Variants in ARMC5 observed in about 807,000 individuals in gnomAD.
The protein encoded by ARMC5 is armadillo repeat containing 5, also known as armadillo repeat-containing protein 5.
In ARMC5, 28 loss-of-function variants were observed where a neutral mutation model predicts 60.5. The observed-to-expected ratio is 0.46, with a 90% CI of 0.34 to 0.63. The LOEUF is 0.63. Ranked by LOEUF, ARMC5 falls within the 30% of genes least tolerant of loss-of-function variation. The pLI is 0.01. For synonymous variants in ARMC5, 680 were observed against 607.3 expected, an observed-to-expected ratio of 1.12 and a Z score of -1.76; for missense variants, 1,189 against 1,304.9, an observed-to-expected ratio of 0.91 and a Z score of 1.37.
rs373906994 is a variant in ARMC5 at position 31,462,691 on chromosome 16, C to G, written c.1144C>G (p.Arg382Gly). The change falls in exon 3 of 6, where the codon CGT (arginine) becomes GGT (glycine). Residue 382 changes from arginine to glycine, a missense_variant. Physicochemically the swap from Arg to Gly is moderately radical, Grantham distance 125 (BLOSUM62 -2). Around this residue, in one of 2 missense-constraint regions of ARMC5, gnomAD observed 862 missense variants for 1,071.2 expected, o/e 0.80. Coordinates refer to ENST00000268314, the MANE Select transcript of ARMC5 (RefSeq NM_001105247.2). The surrounding 1 kb of genome is among the most constrained non-coding windows in gnomAD (Gnocchi z 7.2). ...DLLMGLLRDP[R>G]ASAWHPRIVA... is the part of the protein sequence containing the mutation. ...ACTGATGGGCCTGCTGCGGGACCCT[C>G]GTGCAAGCGCATGGCACCCTCGTAT... 4.3e-6 allele frequency: 7 copies of G among 1,613,766 alleles called. No homozygotes were observed. In the East Asian group the frequency reaches 1.1e-4, roughly 26 times the overall value.
rs747183399 is a variant in ARMC5 at position 31,459,694 on chromosome 16, G to T, written c.170G>T (p.Gly57Val). 3.2e-6 allele frequency: 5 copies of T among 1,569,294 alleles called. No individual in the cohort carries two copies. Among genetic ancestry groups the T allele is most frequent in the Non-Finnish European group, 2.6e-6 (3 of 1,168,260 alleles). ...ACGCGCCACATCAAGGCAGCGGGGG[G>T]AATCGAGCGCTTCCGGGCACGCGGC... Reference protein sequence around the residue: ...LRTRHIKAAGGIERFRARGGL... With the variant: ...LRTRHIKAAGVIERFRARGGL... Residue 57 changes from glycine (G) to valine (V), a missense_variant, in exon 1 of 6, where the codon GGA becomes GTA. This residue lies in a region of ARMC5 where 327 missense variants were observed against 233.7 expected (regional missense o/e 1.40). Coordinates refer to ENST00000268314, the MANE Select transcript of ARMC5 (RefSeq NM_001105247.2).
At chr16:31,460,615 C>T (rs565729342) in intron 1 of ARMC5, among the ~76,000 whole-genome samples, 1 of 152,284 alleles carries the variant, frequency 6.6e-6, no homozygotes, top group African/African-American at 2.4e-5. Context: ...CCTGTAGTTC[C>T]AGCTATTTGG....
Position 31,466,021 on chromosome 16 carries a change from A to C in ARMC5, c.1997+39A>C, listed in dbSNP as rs1283380712. On this transcript the variant is annotated intron_variant, in intron 5 of 5. Transcript: ENST00000268314. This position sits in a 1 kb window ranked among gnomAD's most constrained non-coding sequence, Gnocchi z 8.0. ...GGGTGCCTTGCGGGGTTGGGGGAGG[A>C]GTGCTGTGTTTCCCAGGCCCGTTGC... 2 of 1,594,382 alleles carry C rather than the reference A, an allele frequency of 1.3e-6. No individual in the cohort carries two copies. Among genetic ancestry groups the C allele is most frequent in the African/African-American group, 2.7e-5 (2 of 74,314 alleles).
intron 3 of ARMC5, 111 bp downstream of exon 3, chr16:31,463,028 TTA>T: frequency 8.6e-7 from 1 of 1,167,504 alleles, no homozygotes; most frequent in South Asian, 1.7e-5. Context: ...AATAAGACTT[TTA>T]TAACCCAGAC....
chr16:31,458,921 G>T, upstream of ARMC5: 1 of 1,535,654 alleles, frequency 6.5e-7, no homozygotes, highest in Non-Finnish European at 8.7e-7. Flanking sequence ...GTCCAGCTCC[G>T]GAAACGGAAA....
Position 31,462,140 on chromosome 16 carries a change from C to T in ARMC5, c.593C>T (p.Pro198Leu), listed in dbSNP as rs1481502666. The change falls in exon 3 of 6, where the codon CCC becomes CTC. Residue 198 changes from proline to leucine, a missense_variant. By Grantham distance (98) the Pro-to-Leu change is moderately conservative. This residue lies in a region of ARMC5 where 862 missense variants were observed against 1,071.2 expected (regional missense o/e 0.80). Transcript: ENST00000268314. This position sits in a 1 kb window ranked among gnomAD's most constrained non-coding sequence, Gnocchi z 7.2. ...CGDIHCAGAVPLLVESLTACQ... is the reference protein window; with the variant it reads ...CGDIHCAGAVLLLVESLTACQ... ...CCTTTCCTGCCCTCAGGTGCTGTTC[C>T]CCTGCTTGTGGAGAGCCTGACAGCC... 1.4e-5 allele frequency: 23 copies of T among 1,611,910 alleles called. No homozygotes were observed. The highest frequency in any genetic ancestry group is 2.0e-5 in the Non-Finnish European group (23 of 1,178,894).
chr16:31,459,748 G>A lies in ARMC5; in HGVS notation c.224G>A (p.Arg75Gln). Reference protein sequence around the residue: ...GGLRPLLALLRRAAAAGSAPS... With the variant: ...GGLRPLLALLQRAAAAGSAPS... The stretch of plus-strand genomic sequence containing the variant: ...CTCCGCCCCCTACTCGCGCTGCTAC[G>A]GCGAGCGGCTGCAGCGGGTTCCGCC... Residue 75 changes from arginine to glutamine, a missense_variant, in exon 1 of 6, where the codon CGG becomes CAG. Physicochemically the swap from Arg to Gln is conservative, Grantham distance 43. Transcript: ENST00000268314. The A allele has an allele frequency of 6.5e-7, 1 of 1,543,248 alleles. No individual in the cohort carries two copies.
rs778548538 is a variant in ARMC5, at chr16:31,462,621, G to A, written c.1074G>A (p.Glu358=). The A allele has an allele frequency of 1.9e-6, 3 of 1,613,598 alleles. No individual in the cohort carries two copies. The highest frequency in any genetic ancestry group is 1.3e-5 in the African/African-American group (1 of 75,074). ...GGGCTGTGTGCCTCCTATGTCGTGA[G>A]GCCATCAACCGGGCCCGACTGCGGG... ...LVRAVCLLCR[E]AINRARLRDA... Residue 358 remains glutamate (E), a synonymous_variant, in exon 3 of 6, where the codon GAG becomes GAA. Transcript: ENST00000268314. The surrounding 1 kb of genome is among the most constrained non-coding windows in gnomAD (Gnocchi z 7.2).
At position 31,459,586 on chromosome 16, in the gene ARMC5, C is replaced by A; in HGVS notation, c.62C>A (p.Ala21Glu). 1 of 1,603,186 alleles carries A rather than the reference C, an allele frequency of 6.2e-7. No homozygotes were observed. The highest frequency in any genetic ancestry group is 8.5e-7 in the Non-Finnish European group (1 of 1,179,366). ...SLSFCLAQLA[A>E]AAGEALGGEK... ...TCGTTCTGCCTCGCGCAGCTCGCGG[C>A]GGCGGCCGGGGAGGCTCTGGGTGGG... Residue 21 changes from alanine (A) to glutamate (E), a missense_variant, in exon 1 of 6, where the codon GCG becomes GAG. This residue lies in a region of ARMC5 where 327 missense variants were observed against 233.7 expected (regional missense o/e 1.40). Transcript: ENST00000268314.
upstream of ARMC5, chr16:31,458,881 T>A: frequency 6.5e-7 from 1 of 1,535,588 alleles, no homozygotes; most frequent in Non-Finnish European, 8.7e-7. Flanking sequence ...CACGAGCACG[T>A]CCAGAGCGGA....
In ARMC5 at chr16:31,462,596, G is replaced by A. The variant is rs1297484489; in HGVS notation, c.1049G>A (p.Arg350Gln). Residue 350 changes from arginine (R) to glutamine (Q), a missense_variant, in exon 3 of 6, where the codon CGG (arginine) becomes CAG (glutamine). Arg to Gln is a conservative substitution (Grantham distance 43, BLOSUM62 1). Coordinates refer to ENST00000268314, the MANE Select transcript of ARMC5 (RefSeq NM_001105247.2). This position sits in a 1 kb window ranked among gnomAD's most constrained non-coding sequence, Gnocchi z 7.2. The stretch of plus-strand genomic sequence containing the variant: ...CCAACCTCCCAGCAGCCCCTGGTGC[G>A]GGCTGTGTGCCTCCTATGTCGTGAG... ...ASPTSQQPLV[R>Q]AVCLLCREAI... 3.1e-6 allele frequency: 5 copies of A among 1,613,090 alleles called. No individual in the cohort carries two copies. Among genetic ancestry groups the A allele is most frequent in the South Asian group, 1.1e-5 (1 of 91,070 alleles).
Position 31,462,264 on chromosome 16 carries a change from G to A in ARMC5, c.717G>A (p.Val239=). The change falls in exon 3 of 6, where the codon GTG becomes GTA. Residue 239 remains valine (V), a synonymous_variant. Coordinates refer to ENST00000268314, the MANE Select transcript of ARMC5 (RefSeq NM_001105247.2). This position sits in a 1 kb window ranked among gnomAD's most constrained non-coding sequence, Gnocchi z 7.2. ...HRLALAQQGA[V]RPLAELLATA... is the part of the protein sequence containing the mutation. ...TGGCCTTGGCACAGCAGGGAGCAGT[G>A]CGTCCGCTGGCCGAGCTCCTGGCCA... 1 of 1,609,526 alleles carries A rather than the reference G, an allele frequency of 6.2e-7. No homozygotes were observed. The highest frequency in any genetic ancestry group is 8.5e-7 in the Non-Finnish European group (1 of 1,179,962).
Position 31,466,927 on chromosome 16 carries a change from A to G in ARMC5, c.*38A>G. 6.8e-7 allele frequency: 1 copy of G among 1,476,578 alleles called. No homozygotes were observed. Among genetic ancestry groups the G allele is most frequent in the Non-Finnish European group, 9.0e-7 (1 of 1,114,682 alleles). The allele number at this position is 1,476,578 out of a possible 1,614,324, so 91.5% of individuals were successfully genotyped here. ...CCCTGGGAAGGGGACCCAAGGATGAATTGGCTGTGAAGGATCCTCCCTGAG... is the reference window on the plus strand; with the variant it reads ...CCCTGGGAAGGGGACCCAAGGATGAGTTGGCTGTGAAGGATCCTCCCTGAG... On this transcript the variant is annotated 3_prime_UTR_variant, in exon 6 of 6. Transcript: ENST00000268314. The surrounding 1 kb of genome is among the most constrained non-coding windows in gnomAD (Gnocchi z 8.0).
intron 1 of ARMC5, 165 bp downstream of exon 1, chr16:31,460,164 C>T (rs1485435150): frequency 1.1e-5 from 8 of 712,718 alleles, no homozygotes; most frequent in African/African-American, 1.8e-5. Context: ...CGTCACTGCA[C>T]TCTCTATAGA....
Position 31,466,480 on chromosome 16 carries a change from C to T in ARMC5, c.2399C>T (p.Ala800Val). The change falls in exon 6 of 6, where the codon GCC becomes GTC. Residue 800 changes from alanine (A) to valine (V), a missense_variant. Physicochemically the swap from Ala to Val is moderately conservative, Grantham distance 64 (BLOSUM62 0). Transcript: ENST00000268314. The surrounding 1 kb of genome is among the most constrained non-coding windows in gnomAD (Gnocchi z 8.0). Reference protein sequence around the residue: ...VPLRGLSPGAAWPVLHHLHGC... With the variant: ...VPLRGLSPGAVWPVLHHLHGC... ...CTGCGAGGTCTGTCGCCTGGTGCAGCCTGGCCTGTCCTGCATCATTTGCAT... is the reference window on the plus strand; with the variant it reads ...CTGCGAGGTCTGTCGCCTGGTGCAGTCTGGCCTGTCCTGCATCATTTGCAT... The T allele has an allele frequency of 6.2e-7, 1 of 1,611,152 alleles. No individual in the cohort carries two copies. Among genetic ancestry groups the T allele is most frequent in the Non-Finnish European group, 8.5e-7 (1 of 1,179,822 alleles).
At chr16:31,458,624 G>A, upstream of ARMC5, 3 of 1,443,656 alleles carry the variant, frequency 2.1e-6, no homozygotes, top group South Asian at 1.3e-5. Flanking sequence ...TCTTGGCAAA[G>A]GCTTCTTCCT....
Position 31,459,751 on chromosome 16 carries a change from G to T in ARMC5, c.227G>T (p.Arg76Leu). The T allele has an allele frequency of 1.3e-6, 2 of 1,540,630 alleles. No individual in the cohort carries two copies. Among genetic ancestry groups the T allele is most frequent in the Non-Finnish European group, 8.7e-7 (1 of 1,153,252 alleles). Residue 76 changes from arginine (R) to leucine (L), a missense_variant, in exon 1 of 6, where the codon CGA (arginine) becomes CTA (leucine). Physicochemically the swap from Arg to Leu is moderately radical, Grantham distance 102. This residue lies in a region of ARMC5 where 327 missense variants were observed against 233.7 expected (regional missense o/e 1.40). Coordinates refer to ENST00000268314, the MANE Select transcript of ARMC5 (RefSeq NM_001105247.2). ...CGCCCCCTACTCGCGCTGCTACGGC[G>T]AGCGGCTGCAGCGGGTTCCGCCCCG... The part of the protein sequence containing the change: ...GLRPLLALLR[R>L]AAAAGSAPSQ...
chr16:31,466,258 T>G lies in ARMC5; in HGVS notation c.2177T>G (p.Met726Arg). The G allele has an allele frequency of 6.2e-7, 1 of 1,613,884 alleles. No individual in the cohort carries two copies. Among genetic ancestry groups the G allele is most frequent in the Non-Finnish European group, 8.5e-7 (1 of 1,179,878 alleles). The change falls in exon 6 of 6, where the codon ATG becomes AGG. Residue 726 changes from methionine to arginine, a missense_variant. Around this residue, in one of 2 missense-constraint regions of ARMC5, gnomAD observed 862 missense variants for 1,071.2 expected, o/e 0.80. Coordinates refer to ENST00000268314, the MANE Select transcript of ARMC5 (RefSeq NM_001105247.2). The surrounding 1 kb of genome is among the most constrained non-coding windows in gnomAD (Gnocchi z 8.0). ...CCAGCTGTCCCACAGGCAGTCCCCA[T>G]GGACCTAGACTCACCTTCCCCTTGC... ...VSPAVPQAVP[M>R]DLDSPSPCLY...
chr16:31,464,688 G>C lies in ARMC5; in HGVS notation c.1665G>C (p.Val555=). ...GPALYGLLTY[V]TGAPGPPSPR... ...CGCTGTACGGCCTGCTGACCTATGT[G>C]ACCGGCGCACCGGGCCCGCCCAGCC... The change falls in exon 4 of 6, where the codon GTG becomes GTC. Residue 555 remains valine (V), a synonymous_variant. Coordinates refer to ENST00000268314, the MANE Select transcript of ARMC5 (RefSeq NM_001105247.2). This position sits in a 1 kb window ranked among gnomAD's most constrained non-coding sequence, Gnocchi z 7.6. 1 of 1,598,694 alleles carries C rather than the reference G, an allele frequency of 6.3e-7. No homozygotes were observed. Among genetic ancestry groups the C allele is most frequent in the East Asian group, 2.2e-5 (1 of 44,824 alleles).
Sources: gnomAD v4.1 joint callset for allele counts (sites outside exome capture counted in the v4.1 genomes callset) on GRCh38, gnomAD v4.1.1 for gene constraint, gnomAD v4.1.1 regional missense constraint, Gnocchi (gnomAD v3.1) non-coding constraint, MANE v1.5 for transcripts, NCBI Gene and HGNC (gene_info 2026-07-23, HGNC 2026-07-21) for gene names.